RASGEF1A: variants seen among roughly 807,000 people sequenced by gnomAD.
RASGEF1A encodes the protein ras-GEF domain-containing family member 1A.
RASGEF1A carries 18 observed loss-of-function variants against 56.4 expected under a neutral mutation model. That is an observed-to-expected ratio of 0.32 (90% CI 0.22 to 0.47). The LOEUF is 0.47. RASGEF1A is among the 20% of genes least tolerant of loss of function. The pLI is 1.00. For missense variants in RASGEF1A, 422 were observed against 627.1 expected, an observed-to-expected ratio of 0.67 and a Z score of 3.49; for synonymous variants, 245 against 242.6, an observed-to-expected ratio of 1.01 and a Z score of -0.09.
chr10:43,237,712 A>ATGAG (rs1840449327), intron 1 of RASGEF1A, among the ~76,000 whole-genome samples: 1 of 152,082 alleles, frequency 6.6e-6, no homozygotes, highest in South Asian at 2.1e-4. Context: ...TCATGCCAGG[A>ATGAG]TGCCTAGCTG....
chr10:43,258,696 G>C (rs1210689859), intron 1 of RASGEF1A, among the ~76,000 whole-genome samples: 1 of 152,220 alleles, frequency 6.6e-6, no homozygotes, highest in Non-Finnish European at 1.5e-5. Context: ...CCAGCCCCTA[G>C]GAGCAGGACT....
intron 4 of RASGEF1A, 94 bp from the exon 5 acceptor site, chr10:43,200,982 C>T: frequency 1.7e-6 from 2 of 1,169,152 alleles, no homozygotes; most frequent in Non-Finnish European, 2.5e-6. Flanking sequence ...AGGGATGTGC[C>T]TAACCAACGT....
intron 1 of RASGEF1A, among the ~76,000 whole-genome samples, chr10:43,238,364 C>T (rs992012001): frequency 6.6e-6 from 1 of 152,222 alleles, no homozygotes; most frequent in African/African-American, 2.4e-5. Context: ...GGTTAGCCAT[C>T]GCAGATTGTC....
intron 1 of RASGEF1A, among the ~76,000 whole-genome samples, chr10:43,247,736 TGGGTTGGGG>T (rs1840582393): frequency 6.6e-6 from 1 of 152,086 alleles, no homozygotes. Context: ...CAGAAGCTGG[TGGGTTGGGG>T]AAGGGGCAGT....
intron 1 of RASGEF1A, among the ~76,000 whole-genome samples, chr10:43,252,043 G>C (rs1023282083): frequency 6.6e-6 from 1 of 152,210 alleles, no homozygotes; most frequent in Non-Finnish European, 1.5e-5. Context: ...CCTGGCCCTG[G>C]CCATGAGGAG....
Position 43,198,101 on chromosome 10 carries a change from T to A in RASGEF1A, c.1127A>T (p.Lys376Met). The A allele has an allele frequency of 6.2e-7, 1 of 1,614,196 alleles. No homozygotes were observed. Among genetic ancestry groups the A allele is most frequent in the Non-Finnish European group, 8.5e-7 (1 of 1,179,996 alleles). Residue 376 changes from lysine (K) to methionine (M), a missense_variant, in exon 10 of 13, where the codon AAG becomes ATG. This residue lies in a region of RASGEF1A where 149 missense variants were observed against 287.2 expected (regional missense o/e 0.52). Transcript: ENST00000395810. ...GAGGTTGAACACAGGGATGACGATC[T>A]TTTCACGGCTGCTGTTGGCCATCTG... ...RSQMANSSRE[K>M]IVIPVFNLFV...
chr10:43,225,576 GGTGTGT>G (rs139307816), intron 1 of RASGEF1A, among the ~76,000 whole-genome samples: 8 of 146,082 alleles, frequency 5.5e-5, no homozygotes, highest in East Asian at 2.0e-4. Context: ...TCTGTGTATG[GGTGTGT>G]GTGTGTGTGT....
chr10:43,207,070 C>T (rs996582139), intron 1 of RASGEF1A: 18 of 985,436 alleles, frequency 1.8e-5, no homozygotes, highest in Non-Finnish European at 2.0e-5. Context: ...CCCAGACAGC[C>T]AGCCATGCCT....
intron 2 of RASGEF1A, among the ~76,000 whole-genome samples, chr10:43,205,324 G>C (rs1839977326): frequency 6.6e-6 from 1 of 152,180 alleles, no homozygotes; most frequent in Non-Finnish European, 1.5e-5. Context: ...CACTTGACAA[G>C]GGAACACTTT....
intron 1 of RASGEF1A, among the ~76,000 whole-genome samples, chr10:43,240,242 A>G (rs532486780): frequency 1.3e-5 from 2 of 152,228 alleles, no homozygotes; most frequent in Non-Finnish European, 2.9e-5. Context: ...GACCGCTAAG[A>G]TAACTGAGCA....
chr10:43,225,040 G>A (rs1221850877), intron 1 of RASGEF1A, among the ~76,000 whole-genome samples: 2 of 151,814 alleles, frequency 1.3e-5, no homozygotes, highest in Non-Finnish European at 2.9e-5. Context: ...ATGTGTCTGT[G>A]TGTCTCTGCA....
chr10:43,230,524 G>T (rs1369160029), intron 1 of RASGEF1A, among the ~76,000 whole-genome samples: 1 of 152,162 alleles, frequency 6.6e-6, no homozygotes, highest in Non-Finnish European at 1.5e-5. Flanking sequence ...TGGGGGTCTG[G>T]ATTGGAGCAC....
chr10:43,199,804 G>A (rs768452835), intron 6 of RASGEF1A, 36 bp from the exon 7 acceptor site: 2 of 1,566,544 alleles, frequency 1.3e-6, no homozygotes, highest in South Asian at 1.1e-5. Flanking sequence ...GGGGCCTGGA[G>A]GACCATGGCT....
intron 1 of RASGEF1A, among the ~76,000 whole-genome samples, chr10:43,254,260 G>A (rs1357867628): frequency 6.6e-6 from 1 of 152,258 alleles, no homozygotes; most frequent in Admixed American, 6.5e-5. Context: ...ATGTGCCAGT[G>A]GCACCAGGAC....
intron 1 of RASGEF1A, among the ~76,000 whole-genome samples, chr10:43,242,576 A>C (rs1840514774): frequency 6.6e-6 from 1 of 151,688 alleles, no homozygotes; most frequent in African/African-American, 2.4e-5. Context: ...TCTCTTGCAG[A>C]GCCTGGACTG....
chr10:43,215,760 T>C (rs1468015907), intron 1 of RASGEF1A, among the ~76,000 whole-genome samples: 1 of 152,140 alleles, frequency 6.6e-6, no homozygotes, highest in African/African-American at 2.4e-5. Flanking sequence ...CCACAGAGCC[T>C]GTGTGGTGCC....
At chr10:43,229,645 C>T (rs1015160086) in intron 1 of RASGEF1A, 1 of 1,493,680 alleles carries the variant, frequency 6.7e-7, no homozygotes, top group East Asian at 2.8e-5. Flanking sequence ...ACCTGGGGCT[C>T]CAGGAACATT....
At position 43,201,866 on chromosome 10, in the gene RASGEF1A, T is replaced by G; in HGVS notation, c.401A>C (p.Asp134Ala). The G allele has an allele frequency of 6.2e-7, 1 of 1,612,066 alleles. No homozygotes were observed. Among genetic ancestry groups the G allele is most frequent in the Non-Finnish European group, 8.5e-7 (1 of 1,178,918 alleles). ...WTEAFPYDFQ[D>A]EKAMAELKAI... is the part of the protein sequence containing the mutation. ...TTTCAGCTCGGCCATGGCCTTCTCATCCTGGAAGTCATAGGGGAAGGCCTC... is the reference window on the plus strand; with the variant it reads ...TTTCAGCTCGGCCATGGCCTTCTCAGCCTGGAAGTCATAGGGGAAGGCCTC... Residue 134 changes from aspartate to alanine, a missense_variant, in exon 4 of 13, where the codon GAT (aspartate) becomes GCT (alanine). Around this residue, in one of 2 missense-constraint regions of RASGEF1A, gnomAD observed 273 missense variants for 339.9 expected, o/e 0.80. Coordinates refer to ENST00000395810, the MANE Select transcript of RASGEF1A (RefSeq NM_145313.4).
intron 1 of RASGEF1A, among the ~76,000 whole-genome samples, chr10:43,235,485 C>G (rs1412569652): frequency 2.0e-5 from 3 of 152,342 alleles, no homozygotes; most frequent in South Asian, 4.1e-4. Flanking sequence ...AACAATGCAG[C>G]AGTGTGGGGA....
Sources: allele counts gnomAD v4.1 joint callset (sites outside exome capture counted in the v4.1 genomes callset), GRCh38; gene constraint gnomAD v4.1.1; regional missense constraint gnomAD v4.1.1; transcripts MANE v1.5; gene names NCBI Gene and HGNC (gene_info 2026-07-23, HGNC 2026-07-21).